The following CCDC14 variants were observed in gnomAD, a reference collection of about 807,000 sequenced individuals.
The protein encoded by CCDC14 is coiled-coil domain containing 14.
CCDC14 carries 71 observed loss-of-function variants against 81.4 expected under a neutral mutation model. The observed-to-expected ratio is 0.87, with a 90% confidence interval of 0.72 to 1.06. The LOEUF (loss-of-function observed/expected upper bound fraction) is 1.06. Among genes scored for constraint, CCDC14 ranks in the 50% least tolerant of loss-of-function variants. The pLI is 0.00. For missense variants in CCDC14, 1,046 were observed against 1,047.3 expected, an observed-to-expected ratio of 1.00 and a Z score of 0.02; for synonymous variants, 332 against 364.8, an observed-to-expected ratio of 0.91 and a Z score of 1.03.
At chr3:123,898,926 G>T (rs1372645670) in intron 5 of CCDC14, among the ~76,000 whole-genome samples, 3 of 146,392 alleles carry the variant, frequency 2.0e-5, no homozygotes, top group African/African-American at 7.7e-5. Flanking sequence ...CCTCATGTTG[G>T]TCAGTCTGGT....
intron 10 of CCDC14, among the ~76,000 whole-genome samples, chr3:123,933,241 T>C (rs2035851643): frequency 6.6e-6 from 1 of 152,212 alleles, no homozygotes; most frequent in South Asian, 2.1e-4. Context: ...ATGGTAGACC[T>C]GGATAAGCAG....
rs2036547778 is a variant in CCDC14 at position 123,944,987 on chromosome 3, T to C, written c.1205A>G (p.Asp402Gly). 5 of 1,597,894 alleles carry C rather than the reference T, an allele frequency of 3.1e-6. No individual in the cohort carries two copies. The highest frequency in any genetic ancestry group is 4.3e-6 in the Non-Finnish European group (5 of 1,168,460). Reference sequence around the variant, plus strand: ...TGTAATCAACCTCTGAATTTCTGAATCCTCTATAGAAGGCAACAGAAATGA... The same window carrying C: ...TGTAATCAACCTCTGAATTTCTGAACCCTCTATAGAAGGCAACAGAAATGA... ...ELKALVAEQEDSEIQRLITEM... is the reference protein window; with the variant it reads ...ELKALVAEQEGSEIQRLITEM... Residue 402 changes from aspartate to glycine, a missense_variant, in exon 9 of 13, where the codon GAT (aspartate) becomes GGT (glycine). Coordinates refer to ENST00000409697, the MANE Select transcript of CCDC14 (RefSeq NM_001366335.1).
rs746932361 is a variant in CCDC14 at position 123,915,737 on chromosome 3, A to T, written c.1779-19T>A. On this transcript the variant is annotated intron_variant, in intron 12 of 12. Transcript: ENST00000409697. Reference sequence around the variant, plus strand: ...TAAAGTTCTGTTAAGAAGAATCCAGAACACTAATTATTATTTTTTACCTGT... The same window carrying T: ...TAAAGTTCTGTTAAGAAGAATCCAGTACACTAATTATTATTTTTTACCTGT... The T allele has an allele frequency of 1.3e-6, 2 of 1,518,136 alleles. No homozygotes were observed. Among genetic ancestry groups the T allele is most frequent in the Admixed American group, 4.2e-5 (2 of 47,102 alleles). 94.0% of individuals were successfully genotyped at this position (1,518,136 alleles called of 1,614,324 possible).
chr3:123,889,528 C>G, the CCDC14 span, among the ~76,000 whole-genome samples: 2 of 152,238 alleles, frequency 1.3e-5, no homozygotes, highest in African/African-American at 4.8e-5. Context: ...CTTTTGAATT[C>G]ATGTCTCACA....
intron 10 of CCDC14, among the ~76,000 whole-genome samples, chr3:123,931,971 TAC>T (rs923547809): frequency 1.3e-5 from 2 of 152,212 alleles, no homozygotes; most frequent in African/African-American, 4.8e-5. Context: ...ACACATACTA[TAC>T]ACAATTTCTA....
At chr3:123,955,629 G>A (rs974837910) in intron 5 of CCDC14, 10 of 373,532 alleles carry the variant, frequency 2.7e-5, no homozygotes, top group Non-Finnish European at 4.7e-5. Flanking sequence ...ACAAAACCCT[G>A]ACAGTCTCTT....
chr3:123,897,310 G>C (rs2034080197), downstream of CCDC14: 1 of 152,804 alleles, frequency 6.5e-6, no homozygotes. Flanking sequence ...GCATCTTTCA[G>C]GAAAAGACTG....
At chr3:123,907,613 G>A (rs2034341895) in intron 5 of CCDC14, among the ~76,000 whole-genome samples, 1 of 151,890 alleles carries the variant, frequency 6.6e-6, no homozygotes, top group South Asian at 2.1e-4. Flanking sequence ...AGCTATTCAG[G>A]AGGATGCCTT....
In CCDC14 at chr3:123,915,254, C is replaced by T; in HGVS notation, c.2243G>A (p.Arg748Lys). The change falls in exon 13 of 13, where the codon AGA becomes AAA. Residue 748 changes from arginine to lysine, a missense_variant. Physicochemically the swap from Arg to Lys is conservative, Grantham distance 26. Transcript: ENST00000409697. ...TPEKKSPLSKRLSPQPQIRAA... is the reference protein window; with the variant it reads ...TPEKKSPLSKKLSPQPQIRAA... ...TCTTATTTGTGGCTGAGGGGATAGTCTCTTAGAAAGTGGTGATTTCTTTTC... is the reference window on the plus strand; with the variant it reads ...TCTTATTTGTGGCTGAGGGGATAGTTTCTTAGAAAGTGGTGATTTCTTTTC... 1 of 1,613,870 alleles carries T rather than the reference C, an allele frequency of 6.2e-7. No homozygotes were observed. Among genetic ancestry groups the T allele is most frequent in the Non-Finnish European group, 8.5e-7 (1 of 1,179,874 alleles).
At chr3:123,907,799 G>A (rs1364785756) in intron 5 of CCDC14, among the ~76,000 whole-genome samples, 1 of 151,592 alleles carries the variant, frequency 6.6e-6, no homozygotes, top group Non-Finnish European at 1.5e-5. Context: ...CTGCTATCTG[G>A]AGTCTTAGCA....
intron 12 of CCDC14, among the ~76,000 whole-genome samples, chr3:123,919,629 T>C (rs2682253): frequency 0.82 from 124,028 of 152,172 alleles, 51,087 homozygotes; most frequent in African/African-American, 0.93. Flanking sequence ...TGGAGTACAG[T>C]CAATAGCTCC....
intron 9 of CCDC14, among the ~76,000 whole-genome samples, chr3:123,937,797 T>C (rs2036134372): frequency 6.6e-6 from 1 of 151,976 alleles, no homozygotes; most frequent in African/African-American, 2.4e-5. Flanking sequence ...TTTTAGTTTA[T>C]ACATTAAGAT....
intron 12 of CCDC14, among the ~76,000 whole-genome samples, chr3:123,928,025 C>T (rs2035468978): frequency 6.6e-6 from 1 of 152,174 alleles, no homozygotes; most frequent in Non-Finnish European, 1.5e-5. Flanking sequence ...AGTTCAGACA[C>T]TAGCTGTGAA....
chr3:123,921,320 A>G (rs988767569), intron 12 of CCDC14, among the ~76,000 whole-genome samples: 1 of 152,178 alleles, frequency 6.6e-6, no homozygotes. Flanking sequence ...ACATAGACGG[A>G]AAGTGAAGAG....
In CCDC14 at chr3:123,914,243, G is replaced by GT; in HGVS notation, c.*535dup. 1.0e-6 allele frequency: 1 copy of GT among 984,030 alleles called. No homozygotes were observed. The highest frequency in any genetic ancestry group is 4.7e-5 in the South Asian group (1 of 21,250). 61.0% of individuals were successfully genotyped at this position (984,030 alleles called of 1,614,324 possible). A position where few individuals can be genotyped will look rare whatever the true frequency, so the allele number is the denominator to read the frequency against. ...CTATATATTTTTTAGACCAATCAAT[G>GT]TTTTTTAAGAGGTGTAGATACTGGT... On this transcript the variant is annotated 3_prime_UTR_variant, in exon 13 of 13. Coordinates refer to ENST00000409697, the MANE Select transcript of CCDC14 (RefSeq NM_001366335.1).
downstream of CCDC14, among the ~76,000 whole-genome samples, chr3:123,893,414 T>G (rs967301433): frequency 6.6e-6 from 1 of 152,244 alleles, no homozygotes; most frequent in Non-Finnish European, 1.5e-5. Context: ...AAACTTCATT[T>G]TTTTATAGCT....
At chr3:123,926,479 T>C (rs928141174) in intron 12 of CCDC14, among the ~76,000 whole-genome samples, 7 of 150,088 alleles carry the variant, frequency 4.7e-5, no homozygotes, top group Admixed American at 6.6e-5. Flanking sequence ...TATGAGTACT[T>C]GTAAGAATGC....
chr3:123,893,245 C>T (rs755974158), downstream of CCDC14, among the ~76,000 whole-genome samples: 2 of 152,176 alleles, frequency 1.3e-5, no homozygotes, highest in Non-Finnish European at 2.9e-5. Context: ...TTTCCTCTTC[C>T]CTCCAACACC....
At chr3:123,933,822 G>A in intron 9 of CCDC14, 67 bp from the exon 10 acceptor site, 4 of 1,037,958 alleles carry the variant, frequency 3.9e-6, no homozygotes, top group Non-Finnish European at 5.8e-6. Flanking sequence ...ACATGTGATA[G>A]CCTATCAAAA....
Sources: gnomAD v4.1 joint callset for allele counts (sites outside exome capture counted in the v4.1 genomes callset) on GRCh38, gnomAD v4.1.1 for gene constraint, MANE v1.5 for transcripts, NCBI Gene and HGNC (gene_info 2026-07-23, HGNC 2026-07-21) for gene names.